The following LRRC69 variants were observed in gnomAD, a reference collection of about 807,000 sequenced individuals.
LRRC69 encodes leucine rich repeat containing 69, also known as leucine-rich repeat-containing protein 69.
In LRRC69, 42 loss-of-function variants were observed where a neutral mutation model predicts 37.8. That is an observed-to-expected ratio of 1.11 (90% CI 0.87 to 1.44). The LOEUF (loss-of-function observed/expected upper bound fraction) is 1.44, where lower values mean the gene tolerates loss of function less well. LRRC69 is among the 40% of genes most tolerant of loss of function. LRRC69 has a pLI of 0.00. For missense variants in LRRC69, 357 were observed against 401.9 expected (o/e 0.89, Z 0.96); for synonymous variants, 141 against 143.1 (o/e 0.99, Z 0.11).
chr8:91,165,006 T>C (rs780040947), intron 5 of LRRC69, among the ~76,000 whole-genome samples: 25 of 151,662 alleles, frequency 1.6e-4, no homozygotes, highest in Non-Finnish European at 3.4e-4. Context: ...TCCTATAGGC[T>C]CACTTTAGAA....
At chr8:91,164,233 A>G (rs140994511) in intron 5 of LRRC69, among the ~76,000 whole-genome samples, 1 of 151,790 alleles carries the variant, frequency 6.6e-6, no homozygotes, top group East Asian at 1.9e-4. Flanking sequence ...AGATAGGTAT[A>G]GTGATTAGAG....
chr8:91,108,892 G>A (rs1212521915), intron 1 of LRRC69, among the ~76,000 whole-genome samples: 1 of 151,904 alleles, frequency 6.6e-6, no homozygotes, highest in Admixed American at 6.6e-5. Flanking sequence ...GAATGACCAT[G>A]AGCAGAGACT....
At chr8:91,161,839 G>A (rs1195532335) in intron 5 of LRRC69, among the ~76,000 whole-genome samples, 5 of 151,186 alleles carry the variant, frequency 3.3e-5, no homozygotes, top group Non-Finnish European at 7.4e-5. Flanking sequence ...TCCTTGAGGT[G>A]CATTGTCAGA....
At chr8:91,151,799 A>T (rs569896216) in intron 5 of LRRC69, among the ~76,000 whole-genome samples, 1 of 151,766 alleles carries the variant, frequency 6.6e-6, no homozygotes, top group East Asian at 1.9e-4. Flanking sequence ...CAGCCTTGCC[A>T]GGATCTGTTG....
rs200463347 is a variant in LRRC69 at position 91,174,206 on chromosome 8, TC to T, written c.652-15314del. On this transcript the variant is annotated intron_variant, in intron 5 of 7. Transcript: ENST00000448384. ...GGCTGTGTGGAAGAAATGAATTAAA[TC>T]CTTTCCCCAGCCTGTAAGTCCAGTG... Among the ~76,000 whole-genome samples, 91 of 152,176 alleles carry T rather than the reference TC, an allele frequency of 6.0e-4. 1 individual carries two copies. In the East Asian group the frequency reaches 0.017, roughly 28 times the overall value.
At chr8:91,110,114 C>G (rs1014839315) in intron 1 of LRRC69, among the ~76,000 whole-genome samples, 1 of 151,926 alleles carries the variant, frequency 6.6e-6, no homozygotes, top group African/African-American at 2.4e-5. Flanking sequence ...GTTTACAGAA[C>G]CTGACATGTA....
chr8:91,124,032 G>C (rs1279679757), intron 1 of LRRC69, among the ~76,000 whole-genome samples: 1 of 151,932 alleles, frequency 6.6e-6, no homozygotes, highest in Non-Finnish European at 1.5e-5. Flanking sequence ...ACATGTAATA[G>C]AGTGGTCTTA....
exon 6 of LRRC69, chr8:91,189,543 G>A (rs2130609926): frequency 1.3e-6 from 2 of 1,550,720 alleles, no homozygotes; most frequent in East Asian, 4.9e-5. Context: ...GAAGCTGAGG[G>A]AATTCTACTG....
At chr8:91,113,082 T>C (rs1182031776) in intron 1 of LRRC69, among the ~76,000 whole-genome samples, 2 of 151,960 alleles carry the variant, frequency 1.3e-5, no homozygotes, top group Non-Finnish European at 2.9e-5. Flanking sequence ...TACATGTAAA[T>C]GGAAAGACAT....
chr8:91,205,958 C>G lies in LRRC69; in HGVS notation c.933+5166C>G, dbSNP rs994903531. Among the ~76,000 whole-genome samples the G allele has an allele frequency of 4.5e-4, 68 of 152,264 alleles. 1 individual carries two copies. The highest frequency in any genetic ancestry group is 1.6e-3 in the African/African-American group (66 of 41,552). On this transcript the variant is annotated intron_variant, in intron 7 of 7. Transcript: ENST00000448384. ...GTCAAAGTTGAGTTGGTGTTTATAT[C>G]AGAAAGCTTTGAAGTCTTCATGGCA...
chr8:91,122,655 C>T (rs1228034455), intron 1 of LRRC69, among the ~76,000 whole-genome samples: 1 of 152,036 alleles, frequency 6.6e-6, no homozygotes, highest in African/African-American at 2.4e-5. Flanking sequence ...GGACCTTTCA[C>T]AATGCCTGAC....
At chr8:91,172,156 C>T (rs550068445) in intron 5 of LRRC69, among the ~76,000 whole-genome samples, 1 of 151,986 alleles carries the variant, frequency 6.6e-6, no homozygotes, top group South Asian at 2.1e-4. Context: ...ATTAAACAGT[C>T]CCCTATTTTT....
intron 5 of LRRC69, among the ~76,000 whole-genome samples, chr8:91,163,887 A>G (rs1364272801): frequency 6.6e-6 from 1 of 151,344 alleles, no homozygotes; most frequent in Non-Finnish European, 1.5e-5. Flanking sequence ...ATAAATTACA[A>G]AGTTCTTAGA....
At chr8:91,156,991 C>G (rs1219110174) in intron 5 of LRRC69, among the ~76,000 whole-genome samples, 1 of 150,890 alleles carries the variant, frequency 6.6e-6, no homozygotes, top group African/African-American at 2.4e-5. Context: ...TTTTTTAAAC[C>G]AGTTCTATGC....
At chr8:91,212,250 TA>T (rs1809941834) in intron 7 of LRRC69, among the ~76,000 whole-genome samples, 2 of 152,170 alleles carry the variant, frequency 1.3e-5, no homozygotes, top group Admixed American at 6.5e-5. Context: ...AATAGTCTCA[TA>T]AAATTCTTTC....
At chr8:91,110,720 G>A (rs1015851934) in intron 1 of LRRC69, among the ~76,000 whole-genome samples, 1 of 151,954 alleles carries the variant, frequency 6.6e-6, no homozygotes, top group Non-Finnish European at 1.5e-5. Context: ...GTAGCATAGA[G>A]TTTTCTAGTG....
chr8:91,218,185 C>G (rs1030339731), intron 7 of LRRC69, among the ~76,000 whole-genome samples: 2 of 152,104 alleles, frequency 1.3e-5, no homozygotes, highest in African/African-American at 4.8e-5. Flanking sequence ...TTCCCAGTTA[C>G]CAGTTGTGGA....
intron 5 of LRRC69, among the ~76,000 whole-genome samples, chr8:91,143,105 T>C (rs1217151616): frequency 6.6e-6 from 1 of 152,106 alleles, no homozygotes; most frequent in Non-Finnish European, 1.5e-5. Context: ...TCGGTGCATA[T>C]ATGCCACGGA....
chr8:91,163,511 C>G (rs1212942578), intron 5 of LRRC69, among the ~76,000 whole-genome samples: 1 of 151,358 alleles, frequency 6.6e-6, no homozygotes, highest in Admixed American at 6.6e-5. Flanking sequence ...GGGAGGGTCT[C>G]AAAAATCTTC....
Sources: allele counts gnomAD v4.1 joint callset (sites outside exome capture counted in the v4.1 genomes callset), GRCh38; gene constraint gnomAD v4.1.1; transcripts MANE v1.5; gene names NCBI Gene and HGNC (gene_info 2026-07-23, HGNC 2026-07-21).